Variants in CAMTA1 observed in about 807,000 individuals in gnomAD.
The protein encoded by CAMTA1 is calmodulin binding transcription activator 1.
A neutral mutation model predicts 170.9 loss-of-function variants in CAMTA1; 27 were observed. The ratio of observed to expected loss-of-function variants is 0.16; its 90% CI spans 0.12 to 0.22. CAMTA1 has a LOEUF of 0.22. Among genes scored for constraint, CAMTA1 ranks in the 10% least tolerant of loss-of-function variants. The probability of loss-of-function intolerance (pLI) is 1.00; values close to 1 mark genes in which losing one functional copy is unlikely to be tolerated. For synonymous variants in CAMTA1, 833 were observed against 891.5 expected (o/e 0.93, Z 1.17); for missense variants, 1,619 against 2,217.2 (o/e 0.73, Z 5.42).
chr1:7,070,052 A>G (rs1638412910), intron 3 of CAMTA1, among the ~76,000 whole-genome samples: 1 of 152,106 alleles, frequency 6.6e-6, no homozygotes, highest in African/African-American at 2.4e-5. Flanking sequence ...GGTGAGCCGC[A>G]GCTCCCTCGG....
chr1:6,814,438 A>G (rs1309179445), intron 1 of CAMTA1, among the ~76,000 whole-genome samples: 1 of 152,144 alleles, frequency 6.6e-6, no homozygotes. Flanking sequence ...AGGCATGGGT[A>G]TCATGCCTTT....
At chr1:6,832,551 GAC>G (rs1232216430) in intron 3 of CAMTA1, among the ~76,000 whole-genome samples, 1 of 152,004 alleles carries the variant, frequency 6.6e-6, no homozygotes, top group African/African-American at 2.4e-5. Flanking sequence ...TTGAAATATA[GAC>G]ACACATTTTG....
At position 6,887,605 on chromosome 1, in the gene CAMTA1, CAG is replaced by C. The variant is rs1338921593; in HGVS notation, c.234+62397_234+62398del. 2 of 1,526,932 alleles carry C rather than the reference CAG, an allele frequency of 1.3e-6. No homozygotes were observed. Among genetic ancestry groups the C allele is most frequent in the Admixed American group, 4.0e-5 (2 of 49,492 alleles). The allele number at this position is 1,526,932 out of a possible 1,614,324, so 94.6% of individuals were successfully genotyped here. A position where few individuals can be genotyped will look rare whatever the true frequency, so the allele number is the denominator to read the frequency against. On this transcript the variant is annotated intron_variant, in intron 3 of 22. Coordinates refer to ENST00000303635, the MANE Select transcript of CAMTA1 (RefSeq NM_015215.4). The surrounding 1 kb of genome is among the most constrained non-coding windows in gnomAD (Gnocchi z 4.1). ...GGGCAAATTTTTCTTCAGTTAAAAA[CAG>C]AAATAGAAGCGACGGTTTTGACCCA...
intron 3 of CAMTA1, among the ~76,000 whole-genome samples, chr1:6,850,926 C>A (rs923366538): frequency 4.1e-4 from 62 of 152,310 alleles, no homozygotes; most frequent in African/African-American, 1.4e-3. Flanking sequence ...CAGCTCCAGA[C>A]CCTCTCAGTT....
chr1:7,245,683 T>C (rs1446383343), intron 4 of CAMTA1, among the ~76,000 whole-genome samples: 1 of 152,116 alleles, frequency 6.6e-6, no homozygotes, highest in East Asian at 1.9e-4. Flanking sequence ...TGTCCCCGTA[T>C]TTTTCTTGAC....
At chr1:7,186,610 C>T (rs944315568) in intron 4 of CAMTA1, among the ~76,000 whole-genome samples, 6 of 152,156 alleles carry the variant, frequency 3.9e-5, no homozygotes, top group African/African-American at 1.4e-4. Context: ...TATGTGACTG[C>T]AAGTTGGCAG....
chr1:7,511,106 C>T (rs1357248917), intron 6 of CAMTA1, among the ~76,000 whole-genome samples: 5 of 145,730 alleles, frequency 3.4e-5, no homozygotes, highest in Non-Finnish European at 7.7e-5. Flanking sequence ...GGGTGTCAGC[C>T]GAGCCTCCTG....
chr1:7,584,327 G>T (rs1184446772), intron 6 of CAMTA1, among the ~76,000 whole-genome samples: 1 of 152,016 alleles, frequency 6.6e-6, no homozygotes, highest in East Asian at 2.0e-4. Context: ...CTGAGAGGAT[G>T]GCCAAGGGTC....
intron 5 of CAMTA1, among the ~76,000 whole-genome samples, chr1:7,253,886 C>A (rs1316792708): frequency 6.6e-6 from 1 of 152,068 alleles, no homozygotes; most frequent in Non-Finnish European, 1.5e-5. Flanking sequence ...TTCTATCCAC[C>A]TAGTATGGCA....
intron 6 of CAMTA1, among the ~76,000 whole-genome samples, chr1:7,553,620 G>T (rs1303473447): frequency 1.3e-5 from 2 of 152,234 alleles, no homozygotes; most frequent in African/African-American, 4.8e-5. Context: ...TTTCCTGGAG[G>T]CCCAGATGGG....
rs148892829 is a variant in CAMTA1, at chr1:7,031,776, T to C, written c.235-59528T>C. On this transcript the variant is annotated intron_variant, in intron 3 of 22. Transcript: ENST00000303635. ...CAGGATGGTGTTGATCTCCTGACCT[T>C]GTGATCTGCCCACCTTGGCCTCCTG... Among the ~76,000 whole-genome samples the C allele has an allele frequency of 3.4e-3, 509 of 151,532 alleles. 6 individuals carry two copies. Among genetic ancestry groups the C allele is most frequent in the African/African-American group, 0.012 (479 of 41,294 alleles).
chr1:7,316,128 G>T (rs538259903), intron 5 of CAMTA1, among the ~76,000 whole-genome samples: 1 of 152,192 alleles, frequency 6.6e-6, no homozygotes, highest in South Asian at 2.1e-4. Context: ...GAACAGCACG[G>T]GGGAAACAAC....
chr1:6,995,366 T>C lies in CAMTA1; in HGVS notation c.235-95938T>C, dbSNP rs139879332. ...GCCAGGCTGGAGTAGTGCAGTGACA[T>C]GATCTTGGCTCACTGCAACCTCCGC... On this transcript the variant is annotated intron_variant, in intron 3 of 22. Transcript: ENST00000303635. Among the ~76,000 whole-genome samples, 449 of 135,228 alleles carry C rather than the reference T, an allele frequency of 3.3e-3. 4 individuals are homozygous for C. Among genetic ancestry groups the C allele is most frequent in the African/African-American group, 0.012 (429 of 35,972 alleles). 88.7% of individuals were successfully genotyped at this position (135,228 alleles called of 152,430 possible).
rs1290349275 is a variant in CAMTA1 at position 7,532,207 on chromosome 1, AT to A, written c.510+64308del. Reference sequence around the variant, plus strand: ...CCAGTCCTTCCTGTGTGGCCTTCGGATTCTTGGTGGAGGGGACATTCTTGCA... The same window carrying A: ...CCAGTCCTTCCTGTGTGGCCTTCGGATCTTGGTGGAGGGGACATTCTTGCA... On this transcript the variant is annotated intron_variant, in intron 6 of 22. Transcript: ENST00000303635. The surrounding 1 kb of genome is among the most constrained non-coding windows in gnomAD (Gnocchi z 4.2). Among the ~76,000 whole-genome samples the A allele has an allele frequency of 2.0e-5, 3 of 152,044 alleles. No individual in the cohort carries two copies. Among genetic ancestry groups the A allele is most frequent in the Non-Finnish European group, 4.4e-5 (3 of 67,988 alleles).
intron 22 of CAMTA1, among the ~76,000 whole-genome samples, chr1:7,759,188 A>G (rs1193055539): frequency 6.6e-6 from 1 of 152,080 alleles, no homozygotes; most frequent in Non-Finnish European, 1.5e-5. Context: ...ATATCTGGAA[A>G]CTTACAGAAT....
intron 4 of CAMTA1, among the ~76,000 whole-genome samples, chr1:7,174,338 C>T (rs893021661): frequency 6.6e-6 from 1 of 152,056 alleles, no homozygotes; most frequent in Non-Finnish European, 1.5e-5. Context: ...AGTGAGGAAG[C>T]GTTCACGAAA....
chr1:7,593,791 C>T (rs916001567), intron 6 of CAMTA1, among the ~76,000 whole-genome samples: 4 of 150,140 alleles, frequency 2.7e-5, no homozygotes, highest in Admixed American at 2.0e-4. Context: ...GTACCTGGCC[C>T]CTAACACTAG....
chr1:7,231,076 G>A (rs1480642930), intron 4 of CAMTA1, among the ~76,000 whole-genome samples: 1 of 152,216 alleles, frequency 6.6e-6, no homozygotes, highest in Non-Finnish European at 1.5e-5. Flanking sequence ...AACTCAGGGT[G>A]CAGTCGAGTC....
intron 4 of CAMTA1, among the ~76,000 whole-genome samples, chr1:7,111,268 C>T (rs1644021809): frequency 6.6e-6 from 1 of 152,246 alleles, no homozygotes. Context: ...CTTACTTCCC[C>T]TTTACCACAT....
Sources: gnomAD v4.1 joint callset for allele counts (sites outside exome capture counted in the v4.1 genomes callset) on GRCh38, gnomAD v4.1.1 for gene constraint, Gnocchi (gnomAD v3.1) non-coding constraint, MANE v1.5 for transcripts, NCBI Gene and HGNC (gene_info 2026-07-23, HGNC 2026-07-21) for gene names.